The following KIAA0040 variants were observed in gnomAD, a reference collection of about 807,000 sequenced individuals.
The protein encoded by KIAA0040 is uncharacterized protein KIAA0040.
KIAA0040 carries 10 observed loss-of-function variants against 7.2 expected under a neutral mutation model. That is an observed-to-expected ratio of 1.38 (90% confidence interval 0.85 to 2.34). The LOEUF is 2.34. Among genes scored for constraint, KIAA0040 ranks in the 30% most tolerant of loss-of-function variants. The pLI is 0.00. For synonymous variants in KIAA0040, 49 were observed against 40.1 expected, an observed-to-expected ratio of 1.22 and a Z score of -0.84; for missense variants, 89 against 108.2, an observed-to-expected ratio of 0.82 and a Z score of 0.79.
At chr1:175,187,565 C>T (rs1428516847) in intron 1 of KIAA0040, among the ~76,000 whole-genome samples, 1 of 152,192 alleles carries the variant, frequency 6.6e-6, no homozygotes, top group East Asian at 1.9e-4. Flanking sequence ...GAACAAGAAG[C>T]TCTTGACTCA....
intron 1 of KIAA0040, among the ~76,000 whole-genome samples, chr1:175,183,736 A>T (rs989670757): frequency 7.2e-5 from 11 of 152,326 alleles, no homozygotes; most frequent in Non-Finnish European, 1.5e-4. Context: ...CGCACTAGCG[A>T]GCAGAGATCC....
chr1:175,177,870 G>C (rs1226898812), intron 1 of KIAA0040, among the ~76,000 whole-genome samples, 186 bp from the exon 2 acceptor site: 1 of 152,170 alleles, frequency 6.6e-6, no homozygotes, highest in Non-Finnish European at 1.5e-5. Context: ...AGGGTCCTTA[G>C]GTAAAAGCAC....
At chr1:175,178,237 T>G (rs1358097401) in intron 1 of KIAA0040, among the ~76,000 whole-genome samples, 3 of 152,224 alleles carry the variant, frequency 2.0e-5, no homozygotes, top group African/African-American at 7.2e-5. Context: ...TCCACTCTGC[T>G]GAGCAAGTTC....
chr1:175,164,338 T>A (rs1212145356), intron 3 of KIAA0040, among the ~76,000 whole-genome samples: 1 of 152,220 alleles, frequency 6.6e-6, no homozygotes, highest in Non-Finnish European at 1.5e-5. Flanking sequence ...AAAGATATGG[T>A]TTCTGACATC....
At chr1:175,172,700 G>A (rs973924999) in intron 2 of KIAA0040, among the ~76,000 whole-genome samples, 1 of 152,216 alleles carries the variant, frequency 6.6e-6, no homozygotes, top group African/African-American at 2.4e-5. Context: ...TTCTCAGAGG[G>A]CTAGGTGTTT....
intron 1 of KIAA0040, among the ~76,000 whole-genome samples, chr1:175,178,146 T>C (rs1468932905): frequency 6.6e-6 from 1 of 152,156 alleles, no homozygotes; most frequent in Non-Finnish European, 1.5e-5. Flanking sequence ...ACTTGTGTAG[T>C]GGAGCTGAGG....
At chr1:175,168,431 A>G (rs889705597) in intron 2 of KIAA0040, among the ~76,000 whole-genome samples, 1 of 152,234 alleles carries the variant, frequency 6.6e-6, no homozygotes, top group African/African-American at 2.4e-5. Context: ...GATATTCAGT[A>G]TTAAAGGAAA....
upstream of KIAA0040, chr1:175,192,853 C>A (rs1300022768): frequency 7.2e-6 from 1 of 138,198 alleles, no homozygotes; most frequent in Non-Finnish European, 1.6e-5. Context: ...TCCACCCCCG[C>A]GCGTACCTGC....
At chr1:175,183,404 C>T (rs1170592192) in intron 1 of KIAA0040, among the ~76,000 whole-genome samples, 1 of 152,178 alleles carries the variant, frequency 6.6e-6, no homozygotes, top group Non-Finnish European at 1.5e-5. Context: ...GTCCATGGGC[C>T]AGGAAGCCCA....
chr1:175,189,067 G>T (rs1677772632), intron 1 of KIAA0040, among the ~76,000 whole-genome samples: 1 of 152,194 alleles, frequency 6.6e-6, no homozygotes, highest in Admixed American at 6.5e-5. Flanking sequence ...GTGAAGTGAA[G>T]GGGTGGGGCT....
At position 175,166,548 on chromosome 1, in the gene KIAA0040, G is replaced by A. The variant is rs1485683417; in HGVS notation, c.-134+14C>T. ...GGAAGAATCATGGGTGAGGAGACGG[G>A]GGATGAAGTTTACCTCCACACACAG... is the stretch of plus-strand genomic sequence containing the variant. On this transcript the variant is annotated intron_variant, in intron 3 of 3. Coordinates refer to ENST00000423313, the MANE Select transcript of KIAA0040 (RefSeq NM_014656.3). 1.3e-5 allele frequency: 2 copies of A among 152,318 alleles called. No homozygotes were observed. The highest frequency in any genetic ancestry group is 3.9e-4 in the East Asian group (2 of 5,186). 9.4% of individuals were successfully genotyped at this position (152,318 alleles called of 1,614,324 possible). A position where few individuals can be genotyped will look rare whatever the true frequency, so the allele number is the denominator to read the frequency against.
intron 2 of KIAA0040, among the ~76,000 whole-genome samples, chr1:175,169,025 G>A (rs985918006): frequency 1.8e-4 from 28 of 152,296 alleles, no homozygotes; most frequent in Non-Finnish European, 2.1e-4. Context: ...ACTGTGTGGA[G>A]CAGAGCACCC....
Position 175,159,524 on chromosome 1 carries a change from T to C in KIAA0040, c.*1190A>G, listed in dbSNP as rs1303341606. The C allele has an allele frequency of 6.6e-6, 1 of 152,296 alleles. No homozygotes were observed. The highest frequency in any genetic ancestry group is 1.9e-4 in the East Asian group (1 of 5,206). The allele number at this position is 152,296 out of a possible 1,614,324, so 9.4% of individuals were successfully genotyped here. A position where few individuals can be genotyped will look rare whatever the true frequency, so the allele number is the denominator to read the frequency against. Reference sequence around the variant, plus strand: ...GCCTGAGCTTCAATATAAATATAAATAAACCTCTTTATAGCTTCATCCTAC... The same window carrying C: ...GCCTGAGCTTCAATATAAATATAAACAAACCTCTTTATAGCTTCATCCTAC... On this transcript the variant is annotated 3_prime_UTR_variant, in exon 4 of 4. Transcript: ENST00000423313.
chr1:175,169,313 C>G (rs1363400441), intron 2 of KIAA0040, among the ~76,000 whole-genome samples: 1 of 152,194 alleles, frequency 6.6e-6, no homozygotes, highest in Non-Finnish European at 1.5e-5. Flanking sequence ...GGTTCGGGAA[C>G]CAGATATCCT....
intron 3 of KIAA0040, among the ~76,000 whole-genome samples, chr1:175,166,301 C>T (rs1219899088): frequency 2.0e-5 from 3 of 152,202 alleles, no homozygotes; most frequent in African/African-American, 7.2e-5. Context: ...GCAGGATGGA[C>T]TGTTGGCTAC....
intron 2 of KIAA0040, among the ~76,000 whole-genome samples, chr1:175,176,814 C>T (rs1406737209): frequency 6.6e-6 from 1 of 151,142 alleles, no homozygotes. Flanking sequence ...TCATCTCTTC[C>T]CTGATGCCCT....
At chr1:175,173,640 G>A (rs535000758) in intron 2 of KIAA0040, among the ~76,000 whole-genome samples, 102 of 152,328 alleles carry the variant, frequency 6.7e-4, no homozygotes, top group African/African-American at 2.3e-3. Flanking sequence ...AGATGATGGG[G>A]TGTTCATCCA....
intron 1 of KIAA0040, among the ~76,000 whole-genome samples, chr1:175,188,925 G>A (rs754253605): frequency 1.4e-4 from 21 of 152,150 alleles, no homozygotes; most frequent in Non-Finnish European, 1.0e-4. Context: ...AGATACAAAA[G>A]GTGATAGAGA....
intron 2 of KIAA0040, among the ~76,000 whole-genome samples, chr1:175,173,099 T>G (rs1677050552): frequency 1.3e-5 from 2 of 152,178 alleles, no homozygotes; most frequent in Non-Finnish European, 2.9e-5. Flanking sequence ...CTAACTTTAT[T>G]TCCATTCACT....
Sources: allele counts gnomAD v4.1 joint callset (sites outside exome capture counted in the v4.1 genomes callset), GRCh38; gene constraint gnomAD v4.1.1; transcripts MANE v1.5; gene names NCBI Gene and HGNC (gene_info 2026-07-23, HGNC 2026-07-21).